SRRM2: variants seen among roughly 807,000 people sequenced by gnomAD.
SRRM2 encodes serine/arginine repetitive matrix 2.
A neutral mutation model predicts 213.8 loss-of-function variants in SRRM2; 30 were observed. The ratio of observed to expected loss-of-function variants is 0.14; its 90% CI spans 0.10 to 0.19. SRRM2 has a LOEUF of 0.19. Ranked by LOEUF, SRRM2 falls within the 10% of genes least tolerant of loss-of-function variation. The pLI is 1.00. For synonymous variants in SRRM2, 2,025 were observed against 1,377.7 expected (o/e 1.47, Z -10.40); for missense variants, 4,904 against 3,647.0 (o/e 1.34, Z -8.88).
In SRRM2 at chr16:2,762,181, A is replaced by C. The variant is rs1167015620; in HGVS notation, c.1653A>C (p.Arg551Ser). 1 of 1,613,916 alleles carries C rather than the reference A, an allele frequency of 6.2e-7. No individual in the cohort carries two copies. The highest frequency in any genetic ancestry group is 1.7e-5 in the Admixed American group (1 of 59,982). ...CTAGGAGCAGAAATACCCAGAGAAG[A>C]GGCAGGTCTAGGTCAGCAAGGCGAG... ...GWSRSRNTQR[R>S]GRSRSARRGR... The change falls in exon 11 of 15, where the codon AGA (arginine) becomes AGC (serine). Residue 551 changes from arginine to serine, a missense_variant. Transcript: ENST00000301740.
Position 2,767,306 on chromosome 16 carries a change from C to T in SRRM2, c.6778C>T (p.Arg2260Ter). 6.2e-7 allele frequency: 1 copy of T among 1,613,978 alleles called. No homozygotes were observed. Among genetic ancestry groups the T allele is most frequent in the Non-Finnish European group, 8.5e-7 (1 of 1,180,046 alleles). Residue 2260 changes from arginine to a stop codon, truncating the protein, a stop_gained, in exon 11 of 15, where the codon CGA becomes TGA. Transcript: ENST00000301740. LOFTEE classifies it high-confidence loss of function. ...AACAGCAGTGAACCTGGCTGACTCT[C>T]GAACGCCAGCTGCAGCAGCGGCCAT... ...IPTAVNLADSRTPAAAAAMNL... is the reference protein window; with the variant it reads ...IPTAVNLADS
chr16:2,759,939 G>A (rs999125707), intron 9 of SRRM2: 7 of 539,000 alleles, frequency 1.3e-5, no homozygotes, highest in South Asian at 1.2e-4. Flanking sequence ...CGTGGTGTCT[G>A]GGGGAGGAAG....
rs976813723 is a variant in SRRM2, at chr16:2,757,913, A to C, written c.483A>C (p.Lys161Asn). 5 of 1,614,136 alleles carry C rather than the reference A, an allele frequency of 3.1e-6. No homozygotes were observed. Among genetic ancestry groups the C allele is most frequent in the Middle Eastern group, 1.6e-4 (1 of 6,062 alleles). The change falls in exon 4 of 15, where the codon AAA becomes AAC. Residue 161 changes from lysine (K) to asparagine (N), a missense_variant. Physicochemically the swap from Lys to Asn is moderately conservative, Grantham distance 94 (BLOSUM62 0). Coordinates refer to ENST00000301740, the MANE Select transcript of SRRM2 (RefSeq NM_016333.4). ...FDPQRRAREAKQPAPEPPKPY... is the reference protein window; with the variant it reads ...FDPQRRAREANQPAPEPPKPY... ...CTCAGCGTCGTGCCCGAGAAGCTAA[A>C]CAACCAGCTCCTGAGCCTCCCAAAC...
At position 2,760,367 on chromosome 16, in the gene SRRM2, A is replaced by C. The variant is rs149922891; in HGVS notation, c.900A>C (p.Ser300=). 6.5e-5 allele frequency: 105 copies of C among 1,613,968 alleles called. No individual in the cohort carries two copies. The highest frequency in any genetic ancestry group is 8.3e-5 in the Non-Finnish European group (98 of 1,180,026). The stretch of plus-strand genomic sequence containing the variant: ...CTGGGCGAAGTCCTTCCCCTGCTTC[A>C]GGGCGACGCGGGGAGGGAGATGCGC... ...ALAGRSPSPA[S]GRRGEGDAPF... is the part of the protein sequence containing the mutation. The change falls in exon 10 of 15, where the codon TCA becomes TCC. Residue 300 remains serine, a synonymous_variant. Transcript: ENST00000301740.
chr16:2,765,521 T>C lies in SRRM2; in HGVS notation c.4993T>C (p.Ser1665Pro). ...GTCCTCTCCTGAACATCCGCCCAAATCCAGAACTGCTCGCAGAGGTTCCAG... is the reference window on the plus strand; with the variant it reads ...GTCCTCTCCTGAACATCCGCCCAAACCCAGAACTGCTCGCAGAGGTTCCAG... ...TESSPEHPPK[S>P]RTARRGSRSS... is the part of the protein sequence containing the mutation. The change falls in exon 11 of 15, where the codon TCC (serine) becomes CCC (proline). Residue 1665 changes from serine to proline, a missense_variant. Physicochemically the swap from Ser to Pro is moderately conservative, Grantham distance 74 (BLOSUM62 -1). Coordinates refer to ENST00000301740, the MANE Select transcript of SRRM2 (RefSeq NM_016333.4). The C allele has an allele frequency of 6.2e-7, 1 of 1,613,932 alleles. No homozygotes were observed. The highest frequency in any genetic ancestry group is 2.2e-5 in the East Asian group (1 of 44,874).
In SRRM2 at chr16:2,761,654, G is replaced by A. The variant is rs1044761802; in HGVS notation, c.1126G>A (p.Gly376Ser). ...TCCGCTCCTTGCTGAGCGACATGGC[G>A]GCTCCCCACAACCCCTTGCAACCAC... ...PTPLLAERHG[G>S]SPQPLATTPL... The change falls in exon 11 of 15, where the codon GGC (glycine) becomes AGC (serine). Residue 376 changes from glycine (G) to serine (S), a missense_variant. Gly to Ser is a moderately conservative substitution (Grantham distance 56, BLOSUM62 0). Coordinates refer to ENST00000301740, the MANE Select transcript of SRRM2 (RefSeq NM_016333.4). The A allele has an allele frequency of 1.4e-5, 23 of 1,586,344 alleles. No homozygotes were observed. The highest frequency in any genetic ancestry group is 1.7e-4 in the Middle Eastern group (1 of 5,902).
Position 2,761,630 on chromosome 16 carries a change from C to G in SRRM2, c.1102C>G (p.Pro368Ala), listed in dbSNP as rs2068352453. The stretch of plus-strand genomic sequence containing the variant: ...AGGCCCAGAACCACCTGCTCCCACT[C>G]CGCTCCTTGCTGAGCGACATGGCGG... ...STGPEPPAPT[P>A]LLAERHGGSP... Residue 368 changes from proline (P) to alanine (A), a missense_variant, in exon 11 of 15, where the codon CCG (proline) becomes GCG (alanine). Coordinates refer to ENST00000301740, the MANE Select transcript of SRRM2 (RefSeq NM_016333.4). 1 of 1,570,250 alleles carries G rather than the reference C, an allele frequency of 6.4e-7. No homozygotes were observed. Among genetic ancestry groups the G allele is most frequent in the African/African-American group, 1.4e-5 (1 of 73,034 alleles).
In SRRM2 at chr16:2,765,345, A is replaced by G. The variant is rs979120392; in HGVS notation, c.4817A>G (p.Asp1606Gly). Residue 1606 changes from aspartate (D) to glycine (G), a missense_variant, in exon 11 of 15, where the codon GAT (aspartate) becomes GGT (glycine). Physicochemically the swap from Asp to Gly is moderately conservative, Grantham distance 94 (BLOSUM62 -1). Coordinates refer to ENST00000301740, the MANE Select transcript of SRRM2 (RefSeq NM_016333.4). ...TCTGGTTCCTCCCCTGAAGTGAAAG[A>G]TAAGCCAAGAGCAGCACCCAGGGCA... ...SRSGSSPEVK[D>G]KPRAAPRAQS... 5.6e-6 allele frequency: 9 copies of G among 1,614,034 alleles called. No individual in the cohort carries two copies. Among genetic ancestry groups the G allele is most frequent in the Non-Finnish European group, 7.6e-6 (9 of 1,180,022 alleles).
At position 2,766,310 on chromosome 16, in the gene SRRM2, C is replaced by G; in HGVS notation, c.5782C>G (p.Pro1928Ala). The G allele has an allele frequency of 6.2e-7, 1 of 1,614,168 alleles. No individual in the cohort carries two copies. Among genetic ancestry groups the G allele is most frequent in the Non-Finnish European group, 8.5e-7 (1 of 1,180,016 alleles). Residue 1928 changes from proline to alanine, a missense_variant, in exon 11 of 15, where the codon CCA becomes GCA. Coordinates refer to ENST00000301740, the MANE Select transcript of SRRM2 (RefSeq NM_016333.4). The surrounding 1 kb of genome is among the most constrained non-coding windows in gnomAD (Gnocchi z 7.0). Reference sequence around the variant, plus strand: ...CAGAAGGCGATCCAGATCCAGAACGCCACCAGTAACCCGCCGTCGTTCAAG... The same window carrying G: ...CAGAAGGCGATCCAGATCCAGAACGGCACCAGTAACCCGCCGTCGTTCAAG... ...VSRRRSRSRT[P>A]PVTRRRSRSR...
At position 2,757,916 on chromosome 16, in the gene SRRM2, A is replaced by T; in HGVS notation, c.486A>T (p.Gln162His). ...AGCGTCGTGCCCGAGAAGCTAAACA[A>T]CCAGCTCCTGAGCCTCCCAAACCTT... ...DPQRRAREAK[Q>H]PAPEPPKPYS... is the part of the protein sequence containing the mutation. Residue 162 changes from glutamine to histidine, a missense_variant, in exon 4 of 15, where the codon CAA becomes CAT. Coordinates refer to ENST00000301740, the MANE Select transcript of SRRM2 (RefSeq NM_016333.4). 1 of 1,614,082 alleles carries T rather than the reference A, an allele frequency of 6.2e-7. No individual in the cohort carries two copies. The highest frequency in any genetic ancestry group is 8.5e-7 in the Non-Finnish European group (1 of 1,180,002).
intron 12 of SRRM2, 167 bp from the exon 13 acceptor site, chr16:2,770,185 C>A (rs115143642): frequency 2.1e-5 from 31 of 1,444,112 alleles, no homozygotes; most frequent in Non-Finnish European, 7.3e-6. Flanking sequence ...ACTGGGCACT[C>A]GGTGGATGGT....
Position 2,768,275 on chromosome 16 carries a change from ACTTTTAGAAAT to A in SRRM2, c.7733+18_7733+28del. On this transcript the variant is annotated intron_variant, in intron 11 of 14. Transcript: ENST00000301740. ...GGCACTGAAGAGGTGAGGGAGCTTG[ACTTTTAGAAAT>A]CTTCAGTGGGGGAGGTATTGGGGAT... 1 of 1,526,252 alleles carries A rather than the reference ACTTTTAGAAAT, an allele frequency of 6.6e-7. No individual in the cohort carries two copies. Among genetic ancestry groups the A allele is most frequent in the Non-Finnish European group, 8.8e-7 (1 of 1,140,408 alleles). 94.5% of individuals were successfully genotyped at this position (1,526,252 alleles called of 1,614,324 possible).
Position 2,759,362 on chromosome 16 carries a change from C to G in SRRM2, c.700C>G (p.Pro234Ala). The G allele has an allele frequency of 6.3e-7, 1 of 1,599,706 alleles. No individual in the cohort carries two copies. The highest frequency in any genetic ancestry group is 8.5e-7 in the Non-Finnish European group (1 of 1,176,334). ...TTCCTTATTTCCCAGGTCTCCCACT[C>G]CAAAGAGCAAACGTAAATCTAAGGA... is the stretch of plus-strand genomic sequence containing the variant. ...SKKRKHRSPT[P>A]KSKRKSKDKK... The change falls in exon 8 of 15, where the codon CCA becomes GCA. Residue 234 changes from proline (P) to alanine (A), a missense_variant. Coordinates refer to ENST00000301740, the MANE Select transcript of SRRM2 (RefSeq NM_016333.4).
In SRRM2 at chr16:2,765,541, T is replaced by A. The variant is rs1342022091; in HGVS notation, c.5013T>A (p.Gly1671=). The part of the protein sequence containing the change: ...HPPKSRTARR[G]SRSSPEPKTK... ...CCAAATCCAGAACTGCTCGCAGAGG[T>A]TCCAGGTCATCACCAGAGCCCAAGA... Residue 1671 remains glycine (G), a synonymous_variant, in exon 11 of 15, where the codon GGT becomes GGA. Coordinates refer to ENST00000301740, the MANE Select transcript of SRRM2 (RefSeq NM_016333.4). 3 of 1,613,820 alleles carry A rather than the reference T, an allele frequency of 1.9e-6. No individual in the cohort carries two copies. In the African/African-American group the frequency reaches 4.0e-5, roughly 22 times the overall value.
rs2068315221 is a variant in SRRM2 at position 2,760,755 on chromosome 16, T to G, written c.1032+256T>G. 4 of 457,374 alleles carry G rather than the reference T, an allele frequency of 8.7e-6. No individual in the cohort carries two copies. In the South Asian group the frequency reaches 9.8e-5, roughly 11 times the overall value. 28.3% of individuals were successfully genotyped at this position (457,374 alleles called of 1,614,324 possible). ...TGTCTTGTTTATACATAGATAGAAC[T>G]GGAACAAACGTTGTATCTTATCTGT... On this transcript the variant is annotated intron_variant, in intron 10 of 14. Transcript: ENST00000301740.
rs1196096119 is a variant in SRRM2, at chr16:2,752,697, GC to G, written c.-177del. ...AGTGGCGCAGTTGGAGCCCGTTGCGGCCCCTGAGGAAGCGAGGAGGCGTCGG... is the reference window on the plus strand; with the variant it reads ...AGTGGCGCAGTTGGAGCCCGTTGCGGCCCTGAGGAAGCGAGGAGGCGTCGG... On this transcript the variant is annotated 5_prime_UTR_variant, in exon 1 of 15. Coordinates refer to ENST00000301740, the MANE Select transcript of SRRM2 (RefSeq NM_016333.4). The G allele has an allele frequency of 1.2e-5, 4 of 334,246 alleles. No individual in the cohort carries two copies. The highest frequency in any genetic ancestry group is 1.5e-4 in the East Asian group (1 of 6,458). 20.7% of individuals were successfully genotyped at this position (334,246 alleles called of 1,614,324 possible).
Position 2,765,623 on chromosome 16 carries a change from A to G in SRRM2, c.5095A>G (p.Arg1699Gly). 1.9e-6 allele frequency: 3 copies of G among 1,614,148 alleles called. No individual in the cohort carries two copies. The Admixed American group carries it at 5.0e-5, about 27-fold the overall frequency. ...RSSRSSPELT[R>G]KARLSRRSRS... ...CTCTCGATCATCTCCGGAGCTAACA[A>G]GGAAGGCCAGACTGTCCCGTAGAAG... is the stretch of plus-strand genomic sequence containing the variant. Residue 1699 changes from arginine (R) to glycine (G), a missense_variant, in exon 11 of 15, where the codon AGG becomes GGG. Coordinates refer to ENST00000301740, the MANE Select transcript of SRRM2 (RefSeq NM_016333.4).
chr16:2,758,069 G>A lies in SRRM2; in HGVS notation c.515+124G>A, dbSNP rs558571703. 3 of 1,280,312 alleles carry A rather than the reference G, an allele frequency of 2.3e-6. No homozygotes were observed. In the African/African-American group the frequency reaches 4.5e-5, roughly 19 times the overall value. 79.3% of individuals were successfully genotyped at this position (1,280,312 alleles called of 1,614,324 possible). A position where few individuals can be genotyped will look rare whatever the true frequency, so the allele number is the denominator to read the frequency against. ...TCAGATTTTGTTCTTCTGAAGTTGA[G>A]GTGTCCAAAAAAATGTGTCCAAGGG... is the stretch of plus-strand genomic sequence containing the variant. On this transcript the variant is annotated intron_variant, in intron 4 of 14. Coordinates refer to ENST00000301740, the MANE Select transcript of SRRM2 (RefSeq NM_016333.4).
intron 4 of SRRM2, 95 bp from the exon 5 acceptor site, chr16:2,758,369 TTTTTTA>T: frequency 8.8e-7 from 1 of 1,130,038 alleles, no homozygotes; most frequent in South Asian, 1.3e-5. Flanking sequence ...AGACTCTTAT[TTTTTTA>T]TTTTTATTAC....
Sources: allele counts gnomAD v4.1 joint callset, GRCh38; gene constraint gnomAD v4.1.1; non-coding constraint Gnocchi (gnomAD v3.1); transcripts MANE v1.5; gene names NCBI Gene and HGNC (gene_info 2026-07-23, HGNC 2026-07-21).